HAGHL: variants seen among roughly 807,000 people sequenced by gnomAD.
The protein encoded by HAGHL is hydroxyacylglutathione hydrolase-like protein.
In HAGHL, 27 loss-of-function variants were observed where a neutral mutation model predicts 29.2. That is an observed-to-expected ratio of 0.92 (90% CI 0.68 to 1.27). HAGHL has a LOEUF of 1.27. Among genes scored for constraint, HAGHL ranks in the 50% most tolerant of loss-of-function variants. The pLI, the probability that HAGHL is intolerant of heterozygous loss-of-function variation, is 0.00. For synonymous variants in HAGHL, 223 were observed against 185.7 expected, an observed-to-expected ratio of 1.20 and a Z score of -1.63; for missense variants, 529 against 405.5, an observed-to-expected ratio of 1.30 and a Z score of -2.62.
Position 727,277 on chromosome 16 carries a change from G to T in HAGHL, c.-233G>T, listed in dbSNP as rs1291324791. The T allele has an allele frequency of 2.2e-6, 1 of 459,884 alleles. No homozygotes were observed. The highest frequency in any genetic ancestry group is 2.1e-5 in the African/African-American group (1 of 48,302). The allele number at this position is 459,884 out of a possible 1,614,324, so 28.5% of individuals were successfully genotyped here. On this transcript the variant is annotated 5_prime_UTR_variant, in exon 1 of 8. Coordinates refer to ENST00000389703, the MANE Select transcript of HAGHL (RefSeq NM_032304.4). The stretch of plus-strand genomic sequence containing the variant: ...GGCTCGGACTGGGGGCGGAGCCGGG[G>T]CTGGTTGGGGACCGGCCGGGTTCCG...
chr16:728,727 G>A, intron 5 of HAGHL, 67 bp from the exon 6 acceptor site: 3 of 1,476,976 alleles, frequency 2.0e-6, no homozygotes, highest in Middle Eastern at 1.8e-4. Flanking sequence ...GGGAGGCCAG[G>A]CCCCCGGCGC....
In HAGHL at chr16:727,582, G is replaced by A. The variant is rs773115723; in HGVS notation, c.73G>A (p.Ala25Thr). The A allele has an allele frequency of 1.9e-6, 3 of 1,611,646 alleles. No homozygotes were observed. The highest frequency in any genetic ancestry group is 2.2e-5 in the East Asian group (1 of 44,814). Residue 25 changes from alanine (A) to threonine (T), a missense_variant, in exon 1 of 8, where the codon GCG becomes ACG. Ala to Thr is a moderately conservative substitution (Grantham distance 58). Coordinates refer to ENST00000389703, the MANE Select transcript of HAGHL (RefSeq NM_032304.4). ...GGTCATCGAGGAGCTCACGCGCGAG[G>A]CGGTGGCCGTGGACGTGGCTGTGCC... ...YLVIEELTRE[A>T]VAVDVAVPKR...
chr16:728,662 C>T (rs907621196), intron 5 of HAGHL, 58 bp downstream of exon 5: 6 of 1,279,878 alleles, frequency 4.7e-6, no homozygotes, highest in African/African-American at 4.4e-5. Flanking sequence ...ACGCTCCGCA[C>T]CCTCACTGTG....
In HAGHL at chr16:729,218, C is replaced by T. The variant is rs756821430; in HGVS notation, c.681-70C>T. 3.2e-6 allele frequency: 5 copies of T among 1,549,352 alleles called. No homozygotes were observed. In the Admixed American group the frequency reaches 5.4e-5, roughly 17 times the overall value. On this transcript the variant is annotated intron_variant, in intron 7 of 7. Transcript: ENST00000389703. ...GCTGCTCATTAAGTGCCTGCCTGCC[C>T]GCCCACCCCTCGGCGCCATGCTCCC...
At chr16:727,718 C>A in intron 1 of HAGHL, 104 bp downstream of exon 1, 1 of 797,912 alleles carries the variant, frequency 1.3e-6, no homozygotes, top group Admixed American at 2.6e-5. Flanking sequence ...CTCCGGAAGT[C>A]ATTGGCGGCT....
chr16:728,271 C>T (rs1177063057), intron 3 of HAGHL, 38 bp downstream of exon 3: 2 of 1,509,312 alleles, frequency 1.3e-6, no homozygotes, highest in Admixed American at 2.0e-5. Context: ...GGAGGGCGCC[C>T]CGGGTCCACC....
At position 727,275 on chromosome 16, in the gene HAGHL, G is replaced by T; in HGVS notation, c.-235G>T. On this transcript the variant is annotated 5_prime_UTR_variant, in exon 1 of 8. Transcript: ENST00000389703. ...GGGGCTCGGACTGGGGGCGGAGCCG[G>T]GGCTGGTTGGGGACCGGCCGGGTTC... 1 of 457,736 alleles carries T rather than the reference G, an allele frequency of 2.2e-6. No homozygotes were observed. Among genetic ancestry groups the T allele is most frequent in the Non-Finnish European group, 3.9e-6 (1 of 255,650 alleles). The allele number at this position is 457,736 out of a possible 1,614,324, so 28.4% of individuals were successfully genotyped here.
At chr16:727,898 G>A (rs1045889397) in intron 1 of HAGHL, 67 bp from the exon 2 acceptor site, 5 of 1,491,626 alleles carry the variant, frequency 3.4e-6, no homozygotes, top group African/African-American at 1.4e-5. Flanking sequence ...TGAGCGCGGC[G>A]GATCCCGATA....
chr16:729,605 C>G lies in HAGHL; in HGVS notation c.*149C>G. ...GGAGGGTGGGCAACCTGGTGCTTCC[C>G]GGGTGGACACACAGGACCACTCAGT... is the stretch of plus-strand genomic sequence containing the variant. On this transcript the variant is annotated 3_prime_UTR_variant, in exon 8 of 8. Coordinates refer to ENST00000389703, the MANE Select transcript of HAGHL (RefSeq NM_032304.4). 6.5e-7 allele frequency: 1 copy of G among 1,529,956 alleles called. No homozygotes were observed. Among genetic ancestry groups the G allele is most frequent in the South Asian group, 1.2e-5 (1 of 82,978 alleles). The allele number at this position is 1,529,956 out of a possible 1,614,324, so 94.8% of individuals were successfully genotyped here. A position where few individuals can be genotyped will look rare whatever the true frequency, so the allele number is the denominator to read the frequency against.
chr16:728,282 C>G, intron 3 of HAGHL, 34 bp from the exon 4 acceptor site: 1 of 1,517,756 alleles, frequency 6.6e-7, no homozygotes, highest in Non-Finnish European at 8.8e-7. Context: ...CGGGTCCACC[C>G]GCCCTCACAG....
Position 728,839 on chromosome 16 carries a change from G to A in HAGHL, c.544G>A (p.Ala182Thr). Reference protein sequence around the residue: ...HEHTLSNLEFAQKVEPCNDHV... With the variant: ...HEHTLSNLEFTQKVEPCNDHV... ...GCACACGCTTAGCAACCTGGAGTTT[G>A]CCCAGAAAGTGGAGCCCTGCAACGA... Residue 182 changes from alanine (A) to threonine (T), a missense_variant, in exon 6 of 8, where the codon GCC becomes ACC. Coordinates refer to ENST00000389703, the MANE Select transcript of HAGHL (RefSeq NM_032304.4). The A allele has an allele frequency of 1.2e-6, 2 of 1,602,380 alleles. No individual in the cohort carries two copies. The highest frequency in any genetic ancestry group is 1.3e-5 in the African/African-American group (1 of 74,562).
At chr16:727,834 C>A in intron 1 of HAGHL, 131 bp from the exon 2 acceptor site, 1 of 1,025,004 alleles carries the variant, frequency 9.8e-7, no homozygotes, top group South Asian at 1.5e-5. Context: ...CAGTCACCGC[C>A]CGCTGGGTCC....
At chr16:727,894 C>G (rs928584067) in intron 1 of HAGHL, 71 bp from the exon 2 acceptor site, 1 of 1,474,042 alleles carries the variant, frequency 6.8e-7, no homozygotes, top group Admixed American at 1.9e-5. Context: ...GCAGTGAGCG[C>G]GGCGGATCCC....
At chr16:728,679 G>C (rs1596661310) in intron 5 of HAGHL, 75 bp downstream of exon 5, 1 of 1,284,712 alleles carries the variant, frequency 7.8e-7, no homozygotes, top group Non-Finnish European at 1.1e-6. Flanking sequence ...TGTGCTAGGG[G>C]TGCAGAGTGA....
chr16:727,773 C>T, intron 1 of HAGHL, 159 bp downstream of exon 1: 1 of 730,896 alleles, frequency 1.4e-6, no homozygotes, highest in Non-Finnish European at 2.3e-6. Context: ...TACGGCACCT[C>T]TGGCCTCCGC....
chr16:727,945 G>T lies in HAGHL; in HGVS notation c.106-20G>T. The T allele has an allele frequency of 6.2e-7, 1 of 1,604,044 alleles. No homozygotes were observed. Among genetic ancestry groups the T allele is most frequent in the Non-Finnish European group, 8.5e-7 (1 of 1,176,232 alleles). ...GGCCACCGGGACCGTCTGTGTTACC[G>T]TCACTCCCGTCCCTTTCAGCTGCTG... On this transcript the variant is annotated intron_variant, in intron 1 of 7. Coordinates refer to ENST00000389703, the MANE Select transcript of HAGHL (RefSeq NM_032304.4).
chr16:728,907 T>C lies in HAGHL; in HGVS notation c.600+12T>C. 1 of 996,434 alleles carries C rather than the reference T, an allele frequency of 1.0e-6. No individual in the cohort carries two copies. The allele number at this position is 996,434 out of a possible 1,614,324, so 61.7% of individuals were successfully genotyped here. ...TGTCCTGGGCTAAGGCACGGCCCCT[T>C]TCCCGCCGCGGCAAGAGGGTGGGGG... On this transcript the variant is annotated intron_variant, in intron 6 of 7. Coordinates refer to ENST00000389703, the MANE Select transcript of HAGHL (RefSeq NM_032304.4).
rs762237835 is a variant in HAGHL at position 728,621 on chromosome 16, C to T, written c.498+17C>T. The T allele has an allele frequency of 1.4e-6, 2 of 1,423,492 alleles. No homozygotes were observed. The highest frequency in any genetic ancestry group is 4.9e-5 in the East Asian group (2 of 40,576). The allele number at this position is 1,423,492 out of a possible 1,614,324, so 88.2% of individuals were successfully genotyped here. On this transcript the variant is annotated intron_variant, in intron 5 of 7. Transcript: ENST00000389703. ...CCCGAGACGGTGAGCGGGCCTGGGC[C>T]CTCCCCTCTTCTCCCGTGGGCACAG...
intron 1 of HAGHL, 38 bp downstream of exon 1, chr16:727,652 TCCC>T (rs1471501401): frequency 7.1e-7 from 1 of 1,400,710 alleles, no homozygotes; most frequent in African/African-American, 1.4e-5. Context: ...CCCGGCCGTG[TCCC>T]CCGAGAGCCT....
Sources: allele counts gnomAD v4.1 joint callset, GRCh38; gene constraint gnomAD v4.1.1; transcripts MANE v1.5; gene names NCBI Gene and HGNC (gene_info 2026-07-23, HGNC 2026-07-21).